R3HDM2: variants seen among roughly 807,000 people sequenced by gnomAD.
The protein encoded by R3HDM2 is R3H domain containing 2.
A neutral mutation model predicts 124.5 loss-of-function variants in R3HDM2; 38 were observed. That is an observed-to-expected ratio of 0.31 (90% CI 0.24 to 0.40). The LOEUF (loss-of-function observed/expected upper bound fraction) is 0.40, where lower values mean the gene tolerates loss of function less well. Ranked by LOEUF, R3HDM2 falls within the 10% of genes least tolerant of loss-of-function variation. The pLI is 1.00. For missense variants in R3HDM2, 869 were observed against 1,236.9 expected (o/e 0.70, Z 4.46); for synonymous variants, 391 against 448.0 (o/e 0.87, Z 1.61).
intron 12 of R3HDM2, among the ~76,000 whole-genome samples, chr12:57,285,069 CAAAGATTTTGGTAGGT>C: frequency 6.6e-6 from 1 of 152,260 alleles, no homozygotes; most frequent in Middle Eastern, 3.4e-3. Context: ...ACAACAATTA[CAAAGATTTTGGTAGGT>C]ATACCGAGGA....
At chr12:57,307,278 G>T (rs941470301) in intron 3 of R3HDM2, among the ~76,000 whole-genome samples, 1 of 151,812 alleles carries the variant, frequency 6.6e-6, no homozygotes, top group African/African-American at 2.4e-5. Context: ...TATAAAACCA[G>T]GGAAGGCTGG....
chr12:57,421,847 A>C (rs2070231498), intron 1 of R3HDM2, among the ~76,000 whole-genome samples: 1 of 152,150 alleles, frequency 6.6e-6, no homozygotes, highest in African/African-American at 2.4e-5. Context: ...CTGTAATCCC[A>C]GCACTCTGGG....
intron 2 of R3HDM2, among the ~76,000 whole-genome samples, chr12:57,389,393 G>C (rs1375022279): frequency 6.6e-6 from 1 of 152,184 alleles, no homozygotes; most frequent in Non-Finnish European, 1.5e-5. Context: ...GGTTCTAGGA[G>C]ATGACTCCAA....
rs138967411 is a variant in R3HDM2 at position 57,269,360 on chromosome 12, T to C, written c.1677A>G (p.Gln559=). Residue 559 remains glutamine (Q), a synonymous_variant, in exon 16 of 24, where the codon CAA becomes CAG. Transcript: ENST00000402412. ...PLSHPVAYSP[Q]RGQQLPQPSQ... ...ATGGCTGAGGCAGCTGCTGACCACG[T>C]TGGGGGCTATAGGCCACCGGGTGAG... 38 of 1,614,046 alleles carry C rather than the reference T, an allele frequency of 2.4e-5. No homozygotes were observed. Among genetic ancestry groups the C allele is most frequent in the Non-Finnish European group, 2.9e-5 (34 of 1,180,032 alleles).
At chr12:57,335,964 A>G (rs1029759368) in intron 2 of R3HDM2, among the ~76,000 whole-genome samples, 20 of 152,030 alleles carry the variant, frequency 1.3e-4, no homozygotes, top group Admixed American at 2.0e-4. Context: ...AAGAAGACAT[A>G]CATGCAGACA....
chr12:57,261,547 C>CA (rs952162139), intron 19 of R3HDM2, among the ~76,000 whole-genome samples: 15 of 152,030 alleles, frequency 9.9e-5, no homozygotes, highest in African/African-American at 3.6e-4. Context: ...CCAACAAAAA[C>CA]AAAGCCAGGG....
intron 3 of R3HDM2, among the ~76,000 whole-genome samples, chr12:57,307,856 G>A (rs529301135): frequency 3.9e-5 from 6 of 151,990 alleles, no homozygotes; most frequent in African/African-American, 1.2e-4. Flanking sequence ...AGAGAGTAGA[G>A]TGCTTCTTAA....
intron 2 of R3HDM2, among the ~76,000 whole-genome samples, chr12:57,358,753 G>A (rs2061568192): frequency 6.6e-6 from 1 of 151,892 alleles, no homozygotes; most frequent in Non-Finnish European, 1.5e-5. Flanking sequence ...GTATCATGCT[G>A]TTGTTGGAGT....
chr12:57,255,234 C>T, intron 23 of R3HDM2, 121 bp from the exon 24 acceptor site: 1 of 808,622 alleles, frequency 1.2e-6, no homozygotes. Flanking sequence ...AAAAGCCTGG[C>T]CTTTCTCTCT....
intron 1 of R3HDM2, among the ~76,000 whole-genome samples, chr12:57,405,801 T>C (rs1378322732): frequency 1.3e-5 from 2 of 152,194 alleles, no homozygotes; most frequent in African/African-American, 2.4e-5. Flanking sequence ...TGCACCCAGA[T>C]TGTGATCTCT....
intron 2 of R3HDM2, among the ~76,000 whole-genome samples, chr12:57,357,279 T>C (rs1020393889): frequency 6.6e-6 from 1 of 151,712 alleles, no homozygotes; most frequent in African/African-American, 2.4e-5. Context: ...CTGGCCAACA[T>C]AGCAAAACCC....
chr12:57,299,414 A>G lies in R3HDM2; in HGVS notation c.359T>C (p.Val120Ala). 1 of 1,545,428 alleles carries G rather than the reference A, an allele frequency of 6.5e-7. No homozygotes were observed. Among genetic ancestry groups the G allele is most frequent in the South Asian group, 1.2e-5 (1 of 83,948 alleles). ...TTTGTCCTTGTCTTCCTTTTCAGAGACATCTTTTGTGGACTTTTCTTCCTC... is the reference window on the plus strand; with the variant it reads ...TTTGTCCTTGTCTTCCTTTTCAGAGGCATCTTTTGTGGACTTTTCTTCCTC... ...DKEEEKSTKD[V>A]SEKEDKDKNK... The change falls in exon 6 of 24, where the codon GTC becomes GCC. Residue 120 changes from valine to alanine, a missense_variant. Val to Ala is a moderately conservative substitution (Grantham distance 64). Coordinates refer to ENST00000402412, the MANE Select transcript of R3HDM2 (RefSeq NM_001394031.1).
chr12:57,336,757 C>T (rs2058895231), intron 2 of R3HDM2, among the ~76,000 whole-genome samples: 2 of 151,606 alleles, frequency 1.3e-5, no homozygotes, highest in East Asian at 1.9e-4. Context: ...ATAACAAACC[C>T]CTGTGATACA....
chr12:57,430,026 T>C (rs917789205), intron 1 of R3HDM2, among the ~76,000 whole-genome samples: 1 of 152,224 alleles, frequency 6.6e-6, no homozygotes, highest in African/African-American at 2.4e-5. Context: ...AACTGGGATC[T>C]GAATTCAAAC....
chr12:57,407,724 G>A (rs116863803), intron 1 of R3HDM2, among the ~76,000 whole-genome samples: 3,210 of 151,754 alleles, frequency 0.021, 39 homozygotes, highest in Non-Finnish European at 0.027. Context: ...TATTTTAAAC[G>A]GGCAATTGGT....
chr12:57,318,610 C>T (rs1015814763), intron 2 of R3HDM2, among the ~76,000 whole-genome samples: 23 of 149,386 alleles, frequency 1.5e-4, no homozygotes, highest in Admixed American at 8.7e-4. Context: ...ATCGTGCCAC[C>T]GCACTCCAGC....
rs570510238 is a variant in R3HDM2, at chr12:57,347,105, G to T, written c.-35-36642C>A. On this transcript the variant is annotated intron_variant, in intron 2 of 23. Transcript: ENST00000402412. Reference sequence around the variant, plus strand: ...ACAAAAAAATTAAAAAATTAGCTGGGCTTGGTGGCATAGGCCTACAGTCTC... The same window carrying T: ...ACAAAAAAATTAAAAAATTAGCTGGTCTTGGTGGCATAGGCCTACAGTCTC... Among the ~76,000 whole-genome samples, 4 of 152,218 alleles carry T rather than the reference G, an allele frequency of 2.6e-5. No individual in the cohort carries two copies. The South Asian group carries it at 8.3e-4, about 32-fold the overall frequency.
At chr12:57,265,026 G>A (rs190568631) in intron 19 of R3HDM2, among the ~76,000 whole-genome samples, 1 of 152,162 alleles carries the variant, frequency 6.6e-6, no homozygotes, top group South Asian at 2.1e-4. Context: ...CGTGTTAGGG[G>A]AATTCTTGGC....
At chr12:57,295,358 T>C in intron 10 of R3HDM2, 41 bp downstream of exon 10, 1 of 1,393,802 alleles carries the variant, frequency 7.2e-7, no homozygotes, top group Non-Finnish European at 9.9e-7. Flanking sequence ...TTTCTCTTAC[T>C]GCAAACTCTC....
Sources: allele counts gnomAD v4.1 joint callset (sites outside exome capture counted in the v4.1 genomes callset), GRCh38; gene constraint gnomAD v4.1.1; transcripts MANE v1.5; gene names NCBI Gene and HGNC (gene_info 2026-07-23, HGNC 2026-07-21).